DHX36: variants seen among roughly 807,000 people sequenced by gnomAD.
The protein encoded by DHX36 is ATP-dependent DNA/RNA helicase DHX36.
DHX36 carries 50 observed loss-of-function variants against 139.0 expected under a neutral mutation model. The observed-to-expected ratio is 0.36, with a 90% CI of 0.29 to 0.46. DHX36 has a LOEUF of 0.46. Among genes scored for constraint, DHX36 ranks in the 20% least tolerant of loss-of-function variants. The probability of loss-of-function intolerance (pLI) is 1.00; values close to 1 mark genes in which losing one functional copy is unlikely to be tolerated. For missense variants in DHX36, 1,024 were observed against 1,211.3 expected (o/e 0.85, Z 2.29); for synonymous variants, 425 against 401.9 (o/e 1.06, Z -0.69).
In DHX36 at chr3:154,280,759, G is replaced by A. The variant is rs1719310263; in HGVS notation, c.2476+4C>T. On this transcript the variant is annotated splice_donor_region_variant and intron_variant, in intron 21 of 24. Coordinates refer to ENST00000496811, the MANE Select transcript of DHX36 (RefSeq NM_020865.3). ...ACTTATTTACACTGTGTTTCCTGCT[G>A]TACCTGAATTTATATTAGATTCTGG... 8 of 1,612,162 alleles carry A rather than the reference G, an allele frequency of 5.0e-6. No individual in the cohort carries two copies. The highest frequency in any genetic ancestry group is 6.8e-6 in the Non-Finnish European group (8 of 1,178,562).
At position 154,275,025 on chromosome 3, in the gene DHX36, A is replaced by G. The variant is rs1297190995; in HGVS notation, c.*1146T>C. 6.6e-6 allele frequency: 1 copy of G among 152,228 alleles called. No homozygotes were observed. The highest frequency in any genetic ancestry group is 1.5e-5 in the Non-Finnish European group (1 of 68,036). 9.4% of individuals were successfully genotyped at this position (152,228 alleles called of 1,614,324 possible). A position where few individuals can be genotyped will look rare whatever the true frequency, so the allele number is the denominator to read the frequency against. Reference sequence around the variant, plus strand: ...GAAAATATTTCAGGGACAAATAACAACTAAGATTCAGAGAGTACAGGCACT... The same window carrying G: ...GAAAATATTTCAGGGACAAATAACAGCTAAGATTCAGAGAGTACAGGCACT... On this transcript the variant is annotated 3_prime_UTR_variant, in exon 25 of 25. Coordinates refer to ENST00000496811, the MANE Select transcript of DHX36 (RefSeq NM_020865.3).
In DHX36 at chr3:154,300,867, G is replaced by A. The variant is rs16823856; in HGVS notation, c.1358+120C>T. 1.1e-3 allele frequency: 1,544 copies of A among 1,418,512 alleles called. 18 individuals carry two copies. The African/African-American group carries it at 0.02, about 19-fold the overall frequency. 87.9% of individuals were successfully genotyped at this position (1,418,512 alleles called of 1,614,324 possible). A position where few individuals can be genotyped will look rare whatever the true frequency, so the allele number is the denominator to read the frequency against. Reference sequence around the variant, plus strand: ...GTCAAATCAGCACAATATTTAGCTCGAATAAGAGACTCACAATGCTCTCCT... The same window carrying A: ...GTCAAATCAGCACAATATTTAGCTCAAATAAGAGACTCACAATGCTCTCCT... On this transcript the variant is annotated intron_variant, in intron 10 of 24. Coordinates refer to ENST00000496811, the MANE Select transcript of DHX36 (RefSeq NM_020865.3).
chr3:154,289,095 GAATTAA>G, intron 16 of DHX36, 131 bp from the exon 17 acceptor site: 1 of 416,638 alleles, frequency 2.4e-6, no homozygotes, highest in African/African-American at 2.1e-5. Context: ...TTACCAAAAT[GAATTAA>G]AATTATATTT....
At chr3:154,288,466 T>G (rs565430330) in intron 17 of DHX36, among the ~76,000 whole-genome samples, 1 of 152,258 alleles carries the variant, frequency 6.6e-6, no homozygotes, top group Admixed American at 6.5e-5. Context: ...AAGGGGGCTT[T>G]TAGCATACTG....
chr3:154,317,627 C>T (rs930060022), intron 1 of DHX36, among the ~76,000 whole-genome samples: 6 of 151,876 alleles, frequency 4.0e-5, no homozygotes, highest in African/African-American at 1.2e-4. Context: ...ATAAAATGGA[C>T]GTAAGTAAGG....
chr3:154,301,434 T>C (rs534093129), intron 9 of DHX36, among the ~76,000 whole-genome samples: 2 of 152,278 alleles, frequency 1.3e-5, no homozygotes, highest in South Asian at 4.1e-4. Context: ...AGAACAAAAG[T>C]TAATATTAAT....
Position 154,309,999 on chromosome 3 carries a change from G to A in DHX36, c.643-176C>T, listed in dbSNP as rs150051273. ...TATCTGGATCTACCAACCTGCAAGA[G>A]ATAAGTGCACCAAATTATAAAGAAC... On this transcript the variant is annotated intron_variant, in intron 4 of 24. Transcript: ENST00000496811. Among the ~76,000 whole-genome samples, 858 of 152,256 alleles carry A rather than the reference G, an allele frequency of 5.6e-3. 7 individuals carry two copies. Among genetic ancestry groups the A allele is most frequent in the African/African-American group, 0.02 (835 of 41,544 alleles).
chr3:154,318,518 G>T (rs1315633230), intron 1 of DHX36, among the ~76,000 whole-genome samples: 1 of 151,898 alleles, frequency 6.6e-6, no homozygotes, highest in African/African-American at 2.4e-5. Flanking sequence ...TCACGCCCCC[G>T]GAAAAGGTGA....
At chr3:154,279,038 T>C (rs1184880507) in intron 22 of DHX36, 2 of 152,162 alleles carry the variant, frequency 1.3e-5, no homozygotes, top group Non-Finnish European at 1.5e-5. Context: ...CGTGCAGTGG[T>C]GTGATCTTGA....
At position 154,323,180 on chromosome 3, in the gene DHX36, C is replaced by T. The variant is rs143069197; in HGVS notation, c.243+994G>A. 6.5e-3 allele frequency among the ~76,000 whole-genome samples: 992 copies of T among 152,050 alleles called. 46 individuals are homozygous for T. The East Asian group carries it at 0.12, about 18-fold the overall frequency. ...TGAAACCCCGTCTCTACTAAAAATACAAAAATTAGCCGGAGGTGGTGGCGG... is the reference window on the plus strand; with the variant it reads ...TGAAACCCCGTCTCTACTAAAAATATAAAAATTAGCCGGAGGTGGTGGCGG... On this transcript the variant is annotated intron_variant, in intron 1 of 24. Coordinates refer to ENST00000496811, the MANE Select transcript of DHX36 (RefSeq NM_020865.3).
intron 18 of DHX36, 60 bp downstream of exon 18, chr3:154,284,754 A>G: frequency 3.1e-6 from 5 of 1,597,654 alleles, no homozygotes; most frequent in Non-Finnish European, 4.3e-6. Flanking sequence ...AATGAAAAAT[A>G]TATCTAAGCA....
chr3:154,305,437 TGGG>T (rs1712461172), intron 6 of DHX36: 1 of 302,080 alleles, frequency 3.3e-6, no homozygotes, highest in African/African-American at 2.2e-5. Context: ...GAATTACTTA[TGGG>T]GCCTAAATAT....
At chr3:154,316,865 T>A (rs568209677) in intron 1 of DHX36, among the ~76,000 whole-genome samples, 3 of 151,072 alleles carry the variant, frequency 2.0e-5, no homozygotes, top group Non-Finnish European at 4.4e-5. Context: ...TATTTAGATA[T>A]AGTAAGTTGA....
At chr3:154,314,388 CAA>C (rs997642132) in intron 3 of DHX36, among the ~76,000 whole-genome samples, 2 of 152,152 alleles carry the variant, frequency 1.3e-5, no homozygotes, top group Non-Finnish European at 2.9e-5. Context: ...CTTCCTTTAT[CAA>C]AGACAGCAGT....
intron 3 of DHX36, among the ~76,000 whole-genome samples, chr3:154,313,747 T>C (rs1418557611): frequency 2.0e-5 from 3 of 152,110 alleles, no homozygotes; most frequent in Non-Finnish European, 4.4e-5. Flanking sequence ...AGTAGAAAAT[T>C]AATGTTTATT....
intron 17 of DHX36, among the ~76,000 whole-genome samples, chr3:154,287,245 G>A (rs949729614): frequency 5.3e-5 from 8 of 152,176 alleles, no homozygotes; most frequent in Non-Finnish European, 1.2e-4. Flanking sequence ...AACTGCAGAT[G>A]CATTATAAAC....
chr3:154,311,323 T>C (rs189895996), intron 4 of DHX36, among the ~76,000 whole-genome samples: 2 of 152,120 alleles, frequency 1.3e-5, no homozygotes, highest in African/African-American at 2.4e-5. Flanking sequence ...ATAATTTGTA[T>C]ATTATTTTTA....
At chr3:154,308,282 G>A (rs1431780670) in intron 5 of DHX36, among the ~76,000 whole-genome samples, 2 of 152,100 alleles carry the variant, frequency 1.3e-5, no homozygotes, top group African/African-American at 4.8e-5. Flanking sequence ...AGAAACCAAA[G>A]CTTAAAACAT....
chr3:154,289,609 A>G (rs939837146), intron 16 of DHX36, 100 bp downstream of exon 16: 4 of 731,508 alleles, frequency 5.5e-6, no homozygotes, highest in African/African-American at 1.8e-5. Context: ...TTGTGAGTTA[A>G]TAATTGTTTC....
Sources: gnomAD v4.1 joint callset for allele counts (sites outside exome capture counted in the v4.1 genomes callset) on GRCh38, gnomAD v4.1.1 for gene constraint, MANE v1.5 for transcripts, NCBI Gene and HGNC (gene_info 2026-07-23, HGNC 2026-07-21) for gene names.